The following LAMA3 variants were observed in gnomAD, a reference collection of about 807,000 sequenced individuals.
The protein encoded by LAMA3 is laminin subunit alpha-3.
A neutral mutation model predicts 402.0 loss-of-function variants in LAMA3; 281 were observed. That is an observed-to-expected ratio of 0.70 (90% CI 0.63 to 0.77). The LOEUF (loss-of-function observed/expected upper bound fraction) is 0.77. Ranked by LOEUF, LAMA3 falls within the 30% of genes least tolerant of loss-of-function variation. LAMA3 has a pLI of 0.00. For missense variants in LAMA3, 3,840 were observed against 4,215.5 expected (o/e 0.91, Z 2.47); for synonymous variants, 1,431 against 1,558.4 (o/e 0.92, Z 1.93).
intron 37 of LAMA3, among the ~76,000 whole-genome samples, chr18:23,870,302 CA>C (rs112024464): frequency 3.5e-5 from 5 of 141,212 alleles, no homozygotes; most frequent in Admixed American, 7.1e-5. Context: ...GACTTTGTCT[CA>C]AAAAAAAAAC....
chr18:23,792,850 C>T (rs1192745577), intron 12 of LAMA3, among the ~76,000 whole-genome samples: 1 of 152,138 alleles, frequency 6.6e-6, no homozygotes, highest in Non-Finnish European at 1.5e-5. Context: ...TGCTCAGAGA[C>T]ATCAGGAGAT....
intron 2 of LAMA3, among the ~76,000 whole-genome samples, chr18:23,724,306 A>G (rs184459223): frequency 2.0e-5 from 3 of 152,368 alleles, no homozygotes; most frequent in Admixed American, 1.3e-4. Flanking sequence ...TTAGAAAATC[A>G]ATAAAGCCAT....
At chr18:23,829,084 G>A (rs974483387) in intron 23 of LAMA3, among the ~76,000 whole-genome samples, 1 of 152,270 alleles carries the variant, frequency 6.6e-6, no homozygotes, top group Admixed American at 6.5e-5. Flanking sequence ...GCATGAATAG[G>A]CACACCTAGG....
At chr18:23,949,194 C>A (rs1418003547) in intron 70 of LAMA3, among the ~76,000 whole-genome samples, 1 of 152,232 alleles carries the variant, frequency 6.6e-6, no homozygotes. Context: ...TATTTTAACT[C>A]TGCAGCATTC....
intron 32 of LAMA3, among the ~76,000 whole-genome samples, chr18:23,848,291 G>A (rs1372885518): frequency 6.6e-6 from 1 of 152,164 alleles, no homozygotes; most frequent in African/African-American, 2.4e-5. Flanking sequence ...GTACTTAATT[G>A]CTAAGGGACA....
chr18:23,690,776 AT>A (rs34003789), intron 1 of LAMA3, among the ~76,000 whole-genome samples: 67,265 of 127,992 alleles, frequency 0.53, 18,215 homozygotes, highest in Middle Eastern at 0.62. Context: ...GTGCCTGGCA[AT>A]TTTTTTTTTT....
At chr18:23,758,009 A>G (rs962920699) in intron 6 of LAMA3, among the ~76,000 whole-genome samples, 5 of 152,210 alleles carry the variant, frequency 3.3e-5, no homozygotes, top group African/African-American at 9.6e-5. Context: ...ATCTTTATGC[A>G]GGTGTGATAC....
intron 13 of LAMA3, among the ~76,000 whole-genome samples, chr18:23,812,015 A>G (rs1433453772): frequency 6.6e-6 from 1 of 151,990 alleles, no homozygotes; most frequent in African/African-American, 2.4e-5. Flanking sequence ...CTGGGATTAC[A>G]GGCATGTGCC....
chr18:23,865,844 C>G (rs918601824), intron 36 of LAMA3, among the ~76,000 whole-genome samples: 1 of 152,150 alleles, frequency 6.6e-6, no homozygotes, highest in African/African-American at 2.4e-5. Context: ...TCCAATGGGG[C>G]TGTATCATCA....
At chr18:23,693,654 A>G (rs1706890165) in intron 1 of LAMA3, among the ~76,000 whole-genome samples, 1 of 152,200 alleles carries the variant, frequency 6.6e-6, no homozygotes, top group South Asian at 2.1e-4. Flanking sequence ...AACTTGTTTT[A>G]GTACTGTTTT....
intron 2 of LAMA3, among the ~76,000 whole-genome samples, chr18:23,725,537 GGGGA>G (rs1018583161): frequency 1.3e-5 from 2 of 152,192 alleles, no homozygotes; most frequent in African/African-American, 4.8e-5. Flanking sequence ...GGAGGTGGGT[GGGGA>G]GTGAGCTAAG....
Position 23,876,357 on chromosome 18 carries a change from A to G in LAMA3, c.5062A>G (p.Asn1688Asp), listed in dbSNP as rs2064712105. The change falls in exon 39 of 75, where the codon AAT (asparagine) becomes GAT (aspartate). Residue 1688 changes from asparagine (N) to aspartate (D), a missense_variant. Physicochemically the swap from Asn to Asp is conservative, Grantham distance 23. Transcript: ENST00000313654. Reference sequence around the variant, plus strand: ...GTATACCGGACGGTGTGTTCCCTGCAATTGCAACGGACATTCAAATCAATG... The same window carrying G: ...GTATACCGGACGGTGTGTTCCCTGCGATTGCAACGGACATTCAAATCAATG... ...GLYTGRCVPCNCNGHSNQCQD... is the reference protein window; with the variant it reads ...GLYTGRCVPCDCNGHSNQCQD... 6.2e-7 allele frequency: 1 copy of G among 1,614,048 alleles called. No individual in the cohort carries two copies. The highest frequency in any genetic ancestry group is 1.1e-5 in the South Asian group (1 of 91,088).
chr18:23,728,572 C>T (rs531323603), intron 2 of LAMA3, among the ~76,000 whole-genome samples: 44 of 152,310 alleles, frequency 2.9e-4, no homozygotes, highest in South Asian at 1.7e-3. Flanking sequence ...CCTGCTGCCA[C>T]TGCCTTTGTC....
chr18:23,861,434 C>G (rs542440249), intron 34 of LAMA3, among the ~76,000 whole-genome samples: 6 of 152,214 alleles, frequency 3.9e-5, no homozygotes, highest in Non-Finnish European at 8.8e-5. Context: ...AAATCCCACA[C>G]ATGTAAGGCC....
chr18:23,692,984 A>G (rs888778241), intron 1 of LAMA3, among the ~76,000 whole-genome samples: 17 of 152,168 alleles, frequency 1.1e-4, no homozygotes, highest in African/African-American at 3.9e-4. Flanking sequence ...CATTATTATG[A>G]ATTTATAATT....
Position 23,713,985 on chromosome 18 carries a change from C to T in LAMA3, c.360C>T (p.Ile120=), listed in dbSNP as rs1228453518. The T allele has an allele frequency of 7.4e-6, 12 of 1,613,390 alleles. No individual in the cohort carries two copies. Among genetic ancestry groups the T allele is most frequent in the Non-Finnish European group, 1.0e-5 (12 of 1,179,798 alleles). ...PRKAHPVTNA[I]DGSERWWQSP... ...AAGCACATCCTGTCACCAATGCCAT[C>T]GATGGATCTGAACGTTGGTGGCAAA... Residue 120 remains isoleucine, a synonymous_variant, in exon 2 of 75, where the codon ATC becomes ATT. Coordinates refer to ENST00000313654, the MANE Select transcript of LAMA3 (RefSeq NM_198129.4).
chr18:23,842,576 G>A, intron 28 of LAMA3, 35 bp from the exon 29 acceptor site: 1 of 1,614,232 alleles, frequency 6.2e-7, no homozygotes, highest in South Asian at 1.1e-5. Flanking sequence ...CTACAGTCCG[G>A]TGCATGACAG....
intron 12 of LAMA3, among the ~76,000 whole-genome samples, chr18:23,804,712 G>T (rs1026743798): frequency 2.6e-4 from 39 of 152,286 alleles, no homozygotes; most frequent in Middle Eastern, 3.4e-3. Flanking sequence ...TGTAGGTGGG[G>T]CCTGGTGGGA....
intron 2 of LAMA3, among the ~76,000 whole-genome samples, chr18:23,715,792 G>C (rs1039787791): frequency 1.3e-5 from 2 of 152,110 alleles, no homozygotes; most frequent in African/African-American, 4.8e-5. Flanking sequence ...GAACAGTTAA[G>C]CATAGAGTAC....
Sources: gnomAD v4.1 joint callset for allele counts (sites outside exome capture counted in the v4.1 genomes callset) on GRCh38, gnomAD v4.1.1 for gene constraint, MANE v1.5 for transcripts, NCBI Gene and HGNC (gene_info 2026-07-23, HGNC 2026-07-21) for gene names.